The following MTHFD1L variants were observed in gnomAD, a reference collection of about 807,000 sequenced individuals.
MTHFD1L encodes the protein methylenetetrahydrofolate dehydrogenase (NADP+ dependent) 1 like.
In MTHFD1L, 81 loss-of-function variants were observed where a neutral mutation model predicts 119.5. The observed-to-expected ratio is 0.68, with a 90% CI of 0.57 to 0.82. MTHFD1L has a LOEUF of 0.82. Ranked by LOEUF, MTHFD1L falls within the 40% of genes least tolerant of loss-of-function variation. MTHFD1L has a pLI of 0.00. For synonymous variants in MTHFD1L, 430 were observed against 475.2 expected (o/e 0.90, Z 1.24); for missense variants, 1,125 against 1,253.4 (o/e 0.90, Z 1.55).
intron 26 of MTHFD1L, among the ~76,000 whole-genome samples, chr6:151,058,251 A>G (rs1026464218): frequency 6.6e-6 from 1 of 152,244 alleles, no homozygotes; most frequent in Non-Finnish European, 1.5e-5. Flanking sequence ...AAAGAGGAGT[A>G]TCTAGTACAG....
Position 151,004,122 on chromosome 6 carries a change from C to G in MTHFD1L, c.2126-5697C>G, listed in dbSNP as rs1477782378. ...CTTTGGGAGGCTGAGACGGGCAGAT[C>G]ATTTGAGGTCAGGAGTTCGAGACCA... is the stretch of plus-strand genomic sequence containing the variant. On this transcript the variant is annotated intron_variant, in intron 20 of 27. Coordinates refer to ENST00000367321, the MANE Select transcript of MTHFD1L (RefSeq NM_015440.5). Among the ~76,000 whole-genome samples, 3 of 151,562 alleles carry G rather than the reference C, an allele frequency of 2.0e-5. No individual in the cohort carries two copies. The East Asian group carries it at 5.8e-4, about 29-fold the overall frequency.
chr6:150,949,218 G>A (rs1222051609), intron 16 of MTHFD1L, 85 bp downstream of exon 16: 8 of 1,049,790 alleles, frequency 7.6e-6, no homozygotes, highest in Admixed American at 3.9e-5. Flanking sequence ...GAAACTTACA[G>A]TTTGATCCTG....
rs998602307 is a variant in MTHFD1L at position 151,068,870 on chromosome 6, A to G, written c.2848-23597A>G. Among the ~76,000 whole-genome samples the G allele has an allele frequency of 2.0e-4, 31 of 152,194 alleles. 1 individual carries two copies. The highest frequency in any genetic ancestry group is 7.2e-4 in the African/African-American group (30 of 41,444). ...ACTCATCAATATCCCTAAAAATAGT[A>G]GCAGTACTCGTGCACAGCCTGATTT... On this transcript the variant is annotated intron_variant, in intron 26 of 27. Transcript: ENST00000367321.
In MTHFD1L at chr6:151,101,758, C is replaced by T. The variant is rs1313375809; in HGVS notation, c.*264C>T. The T allele has an allele frequency of 6.6e-6, 1 of 152,484 alleles. No individual in the cohort carries two copies. Among genetic ancestry groups the T allele is most frequent in the Non-Finnish European group, 1.5e-5 (1 of 68,010 alleles). 9.4% of individuals were successfully genotyped at this position (152,484 alleles called of 1,614,324 possible). A position where few individuals can be genotyped will look rare whatever the true frequency, so the allele number is the denominator to read the frequency against. ...TGTGGAGTTTCCATTATTTCTACTG[C>T]TTACACTTTAGAATGTTTATTTTAT... On this transcript the variant is annotated 3_prime_UTR_variant, in exon 28 of 28. Coordinates refer to ENST00000367321, the MANE Select transcript of MTHFD1L (RefSeq NM_015440.5).
In MTHFD1L at chr6:150,865,752, C is replaced by G. The variant is rs1368469890; in HGVS notation, c.-71C>G. On this transcript the variant is annotated 5_prime_UTR_variant, in exon 1 of 28. Transcript: ENST00000367321. ...GCCGCCGCCGCCGCCGCCGCCTGCT[C>G]CCCTGGCACGCGCCCCGCCGCCCTC... is the stretch of plus-strand genomic sequence containing the variant. 6.7e-6 allele frequency: 8 copies of G among 1,188,280 alleles called. No homozygotes were observed. Among genetic ancestry groups the G allele is most frequent in the Non-Finnish European group, 6.3e-6 (6 of 957,014 alleles). 73.6% of individuals were successfully genotyped at this position (1,188,280 alleles called of 1,614,324 possible).
At chr6:150,888,618 A>C (rs1024376567) in intron 7 of MTHFD1L, among the ~76,000 whole-genome samples, 2 of 152,214 alleles carry the variant, frequency 1.3e-5, no homozygotes, top group African/African-American at 4.8e-5. Context: ...AATATCTTAA[A>C]GATACTAATT....
At chr6:150,956,358 C>G (rs1738589) in intron 17 of MTHFD1L, among the ~76,000 whole-genome samples, 43,091 of 151,928 alleles carry the variant, frequency 0.28, 6,446 homozygotes, top group East Asian at 0.49. Flanking sequence ...AATATAAATT[C>G]TCACTTATTT....
At position 150,955,518 on chromosome 6, in the gene MTHFD1L, T is replaced by TC. The variant is rs1562448984; in HGVS notation, c.1727-477_1727-476insC. Among the ~76,000 whole-genome samples the TC allele has an allele frequency of 1.7e-4, 20 of 117,450 alleles. 3 individuals are homozygous for TC. Among genetic ancestry groups the TC allele is most frequent in the Non-Finnish European group, 3.1e-4 (17 of 55,658 alleles). 77.1% of individuals were successfully genotyped at this position (117,450 alleles called of 152,430 possible). On this transcript the variant is annotated intron_variant, in intron 16 of 27. Coordinates refer to ENST00000367321, the MANE Select transcript of MTHFD1L (RefSeq NM_015440.5). ...GGGTTTTTTTTTTTTTTTTTTTTTT[T>TC]AGAGGGGGTCTCACTCTGTCGCCCA... is the stretch of plus-strand genomic sequence containing the variant.
chr6:151,003,389 G>A (rs550187315), intron 20 of MTHFD1L, among the ~76,000 whole-genome samples: 25 of 152,208 alleles, frequency 1.6e-4, no homozygotes, highest in African/African-American at 4.3e-4. Context: ...AAAATTAGCC[G>A]AGCGTGGTGG....
At chr6:150,906,943 A>T (rs1377882067) in intron 8 of MTHFD1L, among the ~76,000 whole-genome samples, 5 of 152,012 alleles carry the variant, frequency 3.3e-5, no homozygotes, top group Non-Finnish European at 5.9e-5. Flanking sequence ...TTTTTAACAA[A>T]CAGAAAGCAT....
chr6:150,975,492 C>T (rs1776427775), intron 20 of MTHFD1L, among the ~76,000 whole-genome samples: 3 of 152,222 alleles, frequency 2.0e-5, no homozygotes, highest in African/African-American at 7.2e-5. Flanking sequence ...CAGTTAATAT[C>T]TAGTCCCTCT....
chr6:151,005,312 T>G (rs1781228440), intron 20 of MTHFD1L, among the ~76,000 whole-genome samples: 1 of 152,166 alleles, frequency 6.6e-6, no homozygotes, highest in Admixed American at 6.5e-5. Context: ...CTTTCATAAT[T>G]ACTGATTACA....
intron 26 of MTHFD1L, among the ~76,000 whole-genome samples, chr6:151,041,016 T>G (rs1043283725): frequency 6.6e-6 from 1 of 152,206 alleles, no homozygotes; most frequent in African/African-American, 2.4e-5. Flanking sequence ...TTATCTGGTC[T>G]TCTCAGCCCT....
intron 24 of MTHFD1L, among the ~76,000 whole-genome samples, chr6:151,028,342 T>C (rs945806272): frequency 2.0e-5 from 3 of 152,032 alleles, no homozygotes. Context: ...CCAAAAGCAT[T>C]GAAAGCAGGG....
At chr6:150,933,585 G>A (rs371195882) in intron 11 of MTHFD1L, among the ~76,000 whole-genome samples, 3 of 151,958 alleles carry the variant, frequency 2.0e-5, no homozygotes, top group Non-Finnish European at 2.9e-5. Context: ...TCCATGCAGC[G>A]GTGTCAGGAT....
intron 20 of MTHFD1L, among the ~76,000 whole-genome samples, chr6:150,993,333 T>G (rs1562507591): frequency 6.6e-6 from 1 of 151,736 alleles, no homozygotes; most frequent in South Asian, 2.1e-4. Context: ...TTTGGGTGGG[T>G]TTTTTTTTGG....
intron 26 of MTHFD1L, among the ~76,000 whole-genome samples, chr6:151,091,365 TG>T (rs1391534211): frequency 1.2e-4 from 18 of 152,254 alleles, no homozygotes; most frequent in Admixed American, 1.0e-3. Context: ...GGAAAAGGAA[TG>T]GGTCATCCGG....
intron 26 of MTHFD1L, among the ~76,000 whole-genome samples, chr6:151,083,513 C>G (rs966490877): frequency 6.6e-5 from 10 of 152,078 alleles, no homozygotes; most frequent in African/African-American, 2.4e-4. Context: ...AGTTTATACC[C>G]TTGTAGTCAT....
At chr6:151,011,120 T>C (rs1178032022) in intron 21 of MTHFD1L, among the ~76,000 whole-genome samples, 4 of 152,212 alleles carry the variant, frequency 2.6e-5, no homozygotes, top group Non-Finnish European at 5.9e-5. Flanking sequence ...AGAAGTTTTC[T>C]AAATCCAAAT....
Sources: allele counts gnomAD v4.1 joint callset (sites outside exome capture counted in the v4.1 genomes callset), GRCh38; gene constraint gnomAD v4.1.1; transcripts MANE v1.5; gene names NCBI Gene and HGNC (gene_info 2026-07-23, HGNC 2026-07-21).